Variants in NEURL1B observed in about 807,000 individuals in gnomAD.
The protein encoded by NEURL1B is neuralized E3 ubiquitin protein ligase 1B.
In NEURL1B, 13 loss-of-function variants were observed where a neutral mutation model predicts 37.4. The observed-to-expected ratio is 0.35, with a 90% CI of 0.23 to 0.55. The LOEUF is 0.55. Ranked by LOEUF, NEURL1B falls within the 20% of genes least tolerant of loss-of-function variation. NEURL1B has a pLI of 0.89. For missense variants in NEURL1B, 790 were observed against 879.2 expected (o/e 0.90, Z 1.28); for synonymous variants, 432 against 426.6 (o/e 1.01, Z -0.16).
Position 172,687,493 on chromosome 5 carries a change from C to T in NEURL1B, c.*568C>T, listed in dbSNP as rs1758535495. 6.6e-6 allele frequency: 1 copy of T among 152,358 alleles called. No homozygotes were observed. The highest frequency in any genetic ancestry group is 1.5e-5 in the Non-Finnish European group (1 of 68,252). 9.4% of individuals were successfully genotyped at this position (152,358 alleles called of 1,614,324 possible). On this transcript the variant is annotated 3_prime_UTR_variant, in exon 5 of 5. Coordinates refer to ENST00000369800, the MANE Select transcript of NEURL1B (RefSeq NM_001142651.3). Reference sequence around the variant, plus strand: ...CCTGGGGTGGTGTAGAAAAGAGATGCTCAGATTTTCTAAGGGGAGGCAAAA... The same window carrying T: ...CCTGGGGTGGTGTAGAAAAGAGATGTTCAGATTTTCTAAGGGGAGGCAAAA...
Position 172,647,992 on chromosome 5 carries a change from A to G in NEURL1B, c.31+6555A>G, listed in dbSNP as rs972027305. 1.3e-5 allele frequency among the ~76,000 whole-genome samples: 2 copies of G among 151,992 alleles called. No individual in the cohort carries two copies. Among genetic ancestry groups the G allele is most frequent in the African/African-American group, 2.4e-5 (1 of 41,376 alleles). The stretch of plus-strand genomic sequence containing the variant: ...CCCGGACTTCCAGGCAGCCCCCACC[A>G]GTCAGTGAGCAAGGGCCCAGGTGAG... On this transcript the variant is annotated intron_variant, in intron 1 of 4. Coordinates refer to ENST00000369800, the MANE Select transcript of NEURL1B (RefSeq NM_001142651.3). This position sits in a 1 kb window ranked among gnomAD's most constrained non-coding sequence, Gnocchi z 4.2.
At chr5:172,650,778 C>T (rs540834927) in intron 1 of NEURL1B, among the ~76,000 whole-genome samples, 6 of 152,338 alleles carry the variant, frequency 3.9e-5, no homozygotes, top group East Asian at 1.9e-4. Context: ...CCCTGACGCA[C>T]GTGACCCCTG....
chr5:172,686,201 C>T lies in NEURL1B; in HGVS notation c.1328C>T (p.Thr443Ile). The change falls in exon 4 of 5, where the codon ACT (threonine) becomes ATT (isoleucine). Residue 443 changes from threonine (T) to isoleucine (I), a missense_variant. Physicochemically the swap from Thr to Ile is moderately conservative, Grantham distance 89. Transcript: ENST00000369800. This position sits in a 1 kb window ranked among gnomAD's most constrained non-coding sequence, Gnocchi z 7.9. ...CTGCAGTCCAGCCCTGCGACCACGACTCCATCAGGGTCCCTCAGCGGCTCC... is the reference window on the plus strand; with the variant it reads ...CTGCAGTCCAGCCCTGCGACCACGATTCCATCAGGGTCCCTCAGCGGCTCC... ...GTLQSSPATT[T>I]PSGSLSGSQD... 6.4e-7 allele frequency: 1 copy of T among 1,551,696 alleles called. No homozygotes were observed. Among genetic ancestry groups the T allele is most frequent in the Admixed American group, 2.0e-5 (1 of 51,016 alleles).
At chr5:172,659,863 T>C (rs1256940491) in intron 1 of NEURL1B, among the ~76,000 whole-genome samples, 2 of 152,166 alleles carry the variant, frequency 1.3e-5, no homozygotes, top group African/African-American at 4.8e-5. Flanking sequence ...TCCTTTGTCA[T>C]CCTCCCAGCC....
chr5:172,680,419 C>CA (rs1554098896), intron 2 of NEURL1B, among the ~76,000 whole-genome samples: 4 of 149,836 alleles, frequency 2.7e-5, no homozygotes, highest in African/African-American at 9.9e-5. Flanking sequence ...GGAGAGTTGG[C>CA]GGGGGGGAAG....
At chr5:172,679,050 A>G (rs939547480) in intron 2 of NEURL1B, among the ~76,000 whole-genome samples, 1 of 152,222 alleles carries the variant, frequency 6.6e-6, no homozygotes, top group Non-Finnish European at 1.5e-5. Flanking sequence ...CTCAGTGGCT[A>G]TTCATGGCAG....
chr5:172,677,087 G>A (rs1401623500), intron 2 of NEURL1B, among the ~76,000 whole-genome samples: 1 of 152,048 alleles, frequency 6.6e-6, no homozygotes, highest in Admixed American at 6.5e-5. Flanking sequence ...GGGCTGTCTC[G>A]GTGAGGGGCC....
Position 172,688,394 on chromosome 5 carries a change from T to A in NEURL1B, c.*1469T>A, listed in dbSNP as rs1581443953. 1.3e-5 allele frequency: 2 copies of A among 152,700 alleles called. No homozygotes were observed. The highest frequency in any genetic ancestry group is 3.9e-4 in the East Asian group (2 of 5,188). The allele number at this position is 152,700 out of a possible 1,614,324, so 9.5% of individuals were successfully genotyped here. On this transcript the variant is annotated 3_prime_UTR_variant, in exon 5 of 5. Transcript: ENST00000369800. The surrounding 1 kb of genome is among the most constrained non-coding windows in gnomAD (Gnocchi z 4.3). ...TACAAAAAGCAAGTATCATTTGGAG[T>A]ACAATTCCTAATCTGTTCATGTCCT...
chr5:172,675,782 C>T lies in NEURL1B; in HGVS notation c.577+5452C>T, dbSNP rs567046618. On this transcript the variant is annotated intron_variant, in intron 2 of 4. Transcript: ENST00000369800. The surrounding 1 kb of genome is among the most constrained non-coding windows in gnomAD (Gnocchi z 4.7). ...ATTTCAGCATCACTAATCTGATATC[C>T]GAAAATCACTGTTGATGATTCTAGA... 2.0e-5 allele frequency among the ~76,000 whole-genome samples: 3 copies of T among 152,220 alleles called. No individual in the cohort carries two copies. Among genetic ancestry groups the T allele is most frequent in the Non-Finnish European group, 2.9e-5 (2 of 67,994 alleles).
In NEURL1B at chr5:172,688,337, C is replaced by A. The variant is rs1197157744; in HGVS notation, c.*1412C>A. The A allele has an allele frequency of 1.3e-5, 2 of 152,758 alleles. No homozygotes were observed. Among genetic ancestry groups the A allele is most frequent in the East Asian group, 3.8e-4 (2 of 5,206 alleles). The allele number at this position is 152,758 out of a possible 1,614,324, so 9.5% of individuals were successfully genotyped here. On this transcript the variant is annotated 3_prime_UTR_variant, in exon 5 of 5. Transcript: ENST00000369800. This position sits in a 1 kb window ranked among gnomAD's most constrained non-coding sequence, Gnocchi z 4.3. ...CAACTCCAGGAGTTCTTGGGAGGACCAGTACAACGTTCTAAAAAGCCTGAG... is the reference window on the plus strand; with the variant it reads ...CAACTCCAGGAGTTCTTGGGAGGACAAGTACAACGTTCTAAAAAGCCTGAG...
chr5:172,671,452 T>A (rs1472917781), intron 2 of NEURL1B, among the ~76,000 whole-genome samples: 1 of 152,242 alleles, frequency 6.6e-6, no homozygotes, highest in Non-Finnish European at 1.5e-5. Context: ...AGGTGATCCT[T>A]CTGAGTCAAG....
chr5:172,677,365 GGCACGGA>G (rs1346534325), intron 2 of NEURL1B, among the ~76,000 whole-genome samples: 1 of 152,142 alleles, frequency 6.6e-6, no homozygotes, highest in East Asian at 1.9e-4. Flanking sequence ...GTTCTATGCA[GGCACGGA>G]GCTGGGTGCA....
intron 1 of NEURL1B, among the ~76,000 whole-genome samples, chr5:172,651,709 AATAG>A (rs953556274): frequency 1.3e-5 from 2 of 152,222 alleles, no homozygotes; most frequent in Non-Finnish European, 1.5e-5. Flanking sequence ...TGTTGGTTGT[AATAG>A]ATGTAGTTTA....
intron 2 of NEURL1B, among the ~76,000 whole-genome samples, chr5:172,671,577 T>G (rs1758130462): frequency 6.6e-6 from 1 of 152,228 alleles, no homozygotes; most frequent in African/African-American, 2.4e-5. Flanking sequence ...GGTATCTGGC[T>G]TCTTTATCTC....
chr5:172,652,793 A>T (rs1266547901), intron 1 of NEURL1B, among the ~76,000 whole-genome samples: 2 of 152,246 alleles, frequency 1.3e-5, no homozygotes, highest in Admixed American at 1.3e-4. Flanking sequence ...CAATAGTTTG[A>T]GGTGAAATTG....
chr5:172,685,192 C>T (rs1758468302), intron 3 of NEURL1B, among the ~76,000 whole-genome samples: 1 of 152,156 alleles, frequency 6.6e-6, no homozygotes, highest in Non-Finnish European at 1.5e-5. Flanking sequence ...AAATCATGTG[C>T]ATATAATGCC....
intron 1 of NEURL1B, among the ~76,000 whole-genome samples, chr5:172,650,918 C>T (rs1477473163): frequency 1.3e-5 from 2 of 151,990 alleles, no homozygotes; most frequent in Non-Finnish European, 1.5e-5. Context: ...AGCAGGTAAT[C>T]GGAATGAGTT....
Position 172,669,993 on chromosome 5 carries a change from G to C in NEURL1B, c.240G>C (p.Glu80Asp). The stretch of plus-strand genomic sequence containing the variant: ...CGCAGCGGCCCATCCGGCTGTACGA[G>C]CAGGTGCGGCTGCGCCTGGTGGCCG... The part of the protein sequence containing the change: ...TFTQRPIRLY[E>D]QVRLRLVAVR... Residue 80 changes from glutamate (E) to aspartate (D), a missense_variant, in exon 2 of 5, where the codon GAG becomes GAC. Coordinates refer to ENST00000369800, the MANE Select transcript of NEURL1B (RefSeq NM_001142651.3). The C allele has an allele frequency of 6.8e-7, 1 of 1,476,564 alleles. No homozygotes were observed. Among genetic ancestry groups the C allele is most frequent in the Non-Finnish European group, 8.9e-7 (1 of 1,119,478 alleles). The allele number at this position is 1,476,564 out of a possible 1,614,324, so 91.5% of individuals were successfully genotyped here. A position where few individuals can be genotyped will look rare whatever the true frequency, so the allele number is the denominator to read the frequency against.
intron 2 of NEURL1B, among the ~76,000 whole-genome samples, chr5:172,671,581 T>A (rs1473392610): frequency 6.6e-6 from 1 of 152,196 alleles, no homozygotes; most frequent in Non-Finnish European, 1.5e-5. Context: ...TCTGGCTTCT[T>A]TATCTCAGCA....
Sources: gnomAD v4.1 joint callset for allele counts (sites outside exome capture counted in the v4.1 genomes callset) on GRCh38, gnomAD v4.1.1 for gene constraint, Gnocchi (gnomAD v3.1) non-coding constraint, MANE v1.5 for transcripts, NCBI Gene and HGNC (gene_info 2026-07-23, HGNC 2026-07-21) for gene names.